SLCO2B1: variants seen among roughly 807,000 people sequenced by gnomAD.
SLCO2B1 encodes the protein solute carrier organic anion transporter family member 2B1, also known as OATP-RP2.
SLCO2B1 carries 41 observed loss-of-function variants against 67.3 expected under a neutral mutation model. The ratio of observed to expected loss-of-function variants is 0.61; its 90% CI spans 0.47 to 0.79. The LOEUF (loss-of-function observed/expected upper bound fraction) is 0.79. Among genes scored for constraint, SLCO2B1 ranks in the 30% least tolerant of loss-of-function variants. The pLI is 0.00. For missense variants in SLCO2B1, 837 were observed against 920.1 expected (o/e 0.91, Z 1.17); for synonymous variants, 379 against 381.4 (o/e 0.99, Z 0.07).
At position 75,151,173 on chromosome 11, in the gene SLCO2B1, C is replaced by T; in HGVS notation, c.-209C>T. ...CTTGGGGCTGAGTTTGAGCAAGACT[C>T]CCTAACCTGTGTCTGGACAAGTCTG... On this transcript the variant is annotated 5_prime_UTR_variant, in exon 1 of 14. Transcript: ENST00000289575. 1.7e-6 allele frequency: 1 copy of T among 576,026 alleles called. No homozygotes were observed. The allele number at this position is 576,026 out of a possible 1,614,324, so 35.7% of individuals were successfully genotyped here. A position where few individuals can be genotyped will look rare whatever the true frequency, so the allele number is the denominator to read the frequency against.
At chr11:75,203,592 GC>G (rs1945220906) in intron 13 of SLCO2B1, 165 bp downstream of exon 13, 6 of 801,780 alleles carry the variant, frequency 7.5e-6, no homozygotes, top group African/African-American at 1.7e-5. Flanking sequence ...GCTAAACACT[GC>G]CCCCCTCCTT....
intron 7 of SLCO2B1, among the ~76,000 whole-genome samples, chr11:75,173,151 T>C (rs925201499): frequency 2.6e-5 from 4 of 152,156 alleles, no homozygotes; most frequent in African/African-American, 7.2e-5. Context: ...CATGCCCCCA[T>C]ACTAACCACT....
At chr11:75,201,277 C>G (rs1945178114) in intron 11 of SLCO2B1, 1 of 152,178 alleles carries the variant, frequency 6.6e-6, no homozygotes, top group Non-Finnish European at 1.5e-5. Context: ...CCTGCCTTGG[C>G]CTCCCAAAGT....
At chr11:75,170,467 AG>A (rs1446863491) in intron 6 of SLCO2B1, among the ~76,000 whole-genome samples, 2 of 152,240 alleles carry the variant, frequency 1.3e-5, no homozygotes, top group East Asian at 3.9e-4. Flanking sequence ...CTTGGAGAGC[AG>A]TAGCGTACTC....
At chr11:75,184,040 G>A (rs1193555760) in intron 7 of SLCO2B1, among the ~76,000 whole-genome samples, 8 of 152,182 alleles carry the variant, frequency 5.3e-5, no homozygotes, top group East Asian at 1.9e-4. Flanking sequence ...AGGTAGTTCC[G>A]CTAGAGCTGG....
intron 9 of SLCO2B1, among the ~76,000 whole-genome samples, chr11:75,195,874 A>T (rs569325091): frequency 6.6e-5 from 10 of 152,144 alleles, no homozygotes; most frequent in African/African-American, 2.4e-4. Context: ...TCCCCCTCAG[A>T]CTAAGCCTCC....
intron 6 of SLCO2B1, among the ~76,000 whole-genome samples, chr11:75,170,719 G>A (rs908642918): frequency 3.0e-4 from 45 of 152,270 alleles, no homozygotes; most frequent in African/African-American, 1.1e-3. Context: ...GGACAGCCCC[G>A]CCCCGCCCAC....
At chr11:75,160,134 C>G (rs976073414) in intron 1 of SLCO2B1, among the ~76,000 whole-genome samples, 1 of 152,232 alleles carries the variant, frequency 6.6e-6, no homozygotes, top group Non-Finnish European at 1.5e-5. Context: ...AGGTCAAGGA[C>G]TTCTGCTCCC....
intron 4 of SLCO2B1, 83 bp from the exon 5 acceptor site, chr11:75,169,090 A>G (rs1445071725): frequency 1.5e-5 from 17 of 1,123,406 alleles, no homozygotes; most frequent in Non-Finnish European, 2.1e-5. Flanking sequence ...TATACACAGC[A>G]CTTAGAACAG....
In SLCO2B1 at chr11:75,193,518, C is replaced by CGCTCTTCTTTATCGGCT; in HGVS notation, c.1381_1397dup (p.His468LeufsTer126). On this transcript the variant is annotated frameshift_variant, in exon 9 of 14. Transcript: ENST00000289575. LOFTEE classifies it high-confidence loss of function. The surrounding 1 kb of genome is among the most constrained non-coding windows in gnomAD (Gnocchi z 4.2). ...CTGCTGTGCCTCTTCTTCAGCCTGC[C>CGCTCTTCTTTATCGGCT]GCTCTTCTTTATCGGCTGCTCCAGC... 6.3e-7 allele frequency: 1 copy of CGCTCTTCTTTATCGGCT among 1,594,234 alleles called. No homozygotes were observed. The highest frequency in any genetic ancestry group is 8.6e-7 in the Non-Finnish European group (1 of 1,168,604).
At chr11:75,159,759 G>C in intron 1 of SLCO2B1, 3 of 758,176 alleles carry the variant, frequency 4.0e-6, no homozygotes, top group Non-Finnish European at 4.8e-6. Flanking sequence ...AGAGGCACAG[G>C]CTGTGGACTT....
intron 7 of SLCO2B1, among the ~76,000 whole-genome samples, chr11:75,178,610 T>C (rs1950055106): frequency 6.6e-6 from 1 of 152,118 alleles, no homozygotes; most frequent in African/African-American, 2.4e-5. Context: ...AGCACATGCC[T>C]TACCTCACTT....
At chr11:75,196,802 C>T (rs973672894) in intron 10 of SLCO2B1, 123 bp downstream of exon 10, 21 of 902,350 alleles carry the variant, frequency 2.3e-5, no homozygotes, top group Non-Finnish European at 3.5e-5. Context: ...CTCTGTCTCT[C>T]TCTGTTGGCA....
At chr11:75,196,148 C>A in intron 9 of SLCO2B1, 1 of 194,242 alleles carries the variant, frequency 5.1e-6, no homozygotes, top group Non-Finnish European at 1.1e-5. Flanking sequence ...CTCTGATTTT[C>A]TGAGAAATGA....
At chr11:75,184,268 T>C (rs1950123256) in intron 7 of SLCO2B1, among the ~76,000 whole-genome samples, 1 of 152,168 alleles carries the variant, frequency 6.6e-6, no homozygotes, top group African/African-American at 2.4e-5. Context: ...CACAAGAGTT[T>C]GAACAGAAAA....
chr11:75,160,725 C>G (rs960274957), intron 1 of SLCO2B1, among the ~76,000 whole-genome samples: 5 of 152,228 alleles, frequency 3.3e-5, no homozygotes, highest in African/African-American at 1.2e-4. Flanking sequence ...AGGGACTCCT[C>G]CCTAGCCACA....
At chr11:75,158,200 G>A (rs538353546) in intron 1 of SLCO2B1, among the ~76,000 whole-genome samples, 1 of 152,204 alleles carries the variant, frequency 6.6e-6, no homozygotes, top group East Asian at 1.9e-4. Context: ...TCGGCCTCCC[G>A]AGTAGCTGGG....
At chr11:75,177,159 G>A (rs192598090) in intron 7 of SLCO2B1, among the ~76,000 whole-genome samples, 229 of 151,680 alleles carry the variant, frequency 1.5e-3, no homozygotes, top group African/African-American at 5.0e-3. Context: ...GCAGGGCTAA[G>A]GGCCTTCCAC....
intron 7 of SLCO2B1, among the ~76,000 whole-genome samples, chr11:75,179,562 G>A (rs1950070008): frequency 6.6e-6 from 1 of 152,024 alleles, no homozygotes; most frequent in African/African-American, 2.4e-5. Context: ...GGCATACAAT[G>A]TGTAATAATT....
Sources: allele counts gnomAD v4.1 joint callset (sites outside exome capture counted in the v4.1 genomes callset), GRCh38; gene constraint gnomAD v4.1.1; non-coding constraint Gnocchi (gnomAD v3.1); transcripts MANE v1.5; gene names NCBI Gene and HGNC (gene_info 2026-07-23, HGNC 2026-07-21).